PCDH15: variants seen among roughly 807,000 people sequenced by gnomAD.
The protein encoded by PCDH15 is protocadherin-15.
Under a neutral mutation model 178.5 loss-of-function variants are expected in PCDH15, and 129 were observed. That is an observed-to-expected ratio of 0.72 (90% CI 0.63 to 0.84). The LOEUF (loss-of-function observed/expected upper bound fraction) is 0.84, where lower values mean the gene tolerates loss of function less well. PCDH15 is among the 40% of genes least tolerant of loss of function. PCDH15 has a pLI of 0.00. For missense variants in PCDH15, 2,230 were observed against 2,099.9 expected (o/e 1.06, Z -1.21); for synonymous variants, 800 against 732.0 (o/e 1.09, Z -1.50).
chr10:54,540,569 T>C (rs2085098297), intron 2 of PCDH15, among the ~76,000 whole-genome samples: 1 of 152,132 alleles, frequency 6.6e-6, no homozygotes, highest in Non-Finnish European at 1.5e-5. Flanking sequence ...AGCCGAATTC[T>C]ACCAGATGTA....
intron 2 of PCDH15, among the ~76,000 whole-genome samples, chr10:55,043,644 A>G (rs1409971553): frequency 2.6e-5 from 4 of 152,056 alleles, no homozygotes; most frequent in Non-Finnish European, 5.9e-5. Flanking sequence ...TGGGAGCTCA[A>G]TGCTACAGTT....
chr10:54,223,443 T>C (rs1331104051), intron 9 of PCDH15, among the ~76,000 whole-genome samples: 2 of 132,970 alleles, frequency 1.5e-5, no homozygotes, highest in Non-Finnish European at 3.1e-5. Context: ...TTTCTATAGA[T>C]AGTGTGAGGT....
chr10:54,369,393 T>C lies in PCDH15; in HGVS notation c.319-118A>G, dbSNP rs1947309280. ...ATTCTTGTTTATTTTTAAATTATAA[T>C]AATCTCAAAGAAAATGATCATTTTA... On this transcript the variant is annotated intron_variant, in intron 4 of 37. Coordinates refer to ENST00000644397, the MANE Select transcript of PCDH15 (RefSeq NM_001384140.1). The C allele has an allele frequency of 6.6e-6, 6 of 911,128 alleles. No homozygotes were observed. The Admixed American group carries it at 1.3e-4, about 20-fold the overall frequency. The allele number at this position is 911,128 out of a possible 1,614,324, so 56.4% of individuals were successfully genotyped here.
intron 1 of PCDH15, among the ~76,000 whole-genome samples, chr10:55,172,254 C>T (rs985752136): frequency 6.6e-6 from 1 of 151,846 alleles, no homozygotes; most frequent in African/African-American, 2.4e-5. Context: ...AACTCTTACT[C>T]ACTATAATTA....
chr10:55,339,099 A>G (rs6481156), intron 2 of PCDH15, among the ~76,000 whole-genome samples: 1 of 151,854 alleles, frequency 6.6e-6, no homozygotes. Context: ...ATCATAGTTA[A>G]CAAGAATCTA....
intron 2 of PCDH15, among the ~76,000 whole-genome samples, chr10:55,624,275 C>A (rs974378529): frequency 1.1e-4 from 17 of 151,702 alleles, no homozygotes; most frequent in African/African-American, 3.9e-4. Flanking sequence ...GTAACACCAA[C>A]CAAATATCAA....
intron 32 of PCDH15, among the ~76,000 whole-genome samples, chr10:53,825,640 TTGTGAAG>T (rs2076628388): frequency 6.6e-6 from 1 of 151,550 alleles, no homozygotes; most frequent in Non-Finnish European, 1.5e-5. Flanking sequence ...AGTTATTACT[TTGTGAAG>T]TAGTTTTTCC....
At chr10:54,601,689 G>C (rs1208374924) in intron 2 of PCDH15, among the ~76,000 whole-genome samples, 1 of 151,794 alleles carries the variant, frequency 6.6e-6, no homozygotes, top group Non-Finnish European at 1.5e-5. Context: ...CCCATTACTG[G>C]GTATATAGCC....
intron 26 of PCDH15, among the ~76,000 whole-genome samples, chr10:53,879,911 C>T (rs1419769589): frequency 6.6e-6 from 1 of 152,182 alleles, no homozygotes; most frequent in African/African-American, 2.4e-5. Context: ...CTTGGCCTCC[C>T]AAAGTGCTGG....
chr10:53,865,459 G>T (rs2079383296), intron 27 of PCDH15, among the ~76,000 whole-genome samples: 1 of 152,152 alleles, frequency 6.6e-6, no homozygotes, highest in Non-Finnish European at 1.5e-5. Context: ...CAAAGAGTGG[G>T]AGGTTTGAAA....
chr10:53,825,042 A>C (rs941904367), intron 32 of PCDH15: 2 of 1,328,436 alleles, frequency 1.5e-6, no homozygotes, highest in African/African-American at 1.5e-5. Flanking sequence ...CAAAAGATGA[A>C]GATCACTGTA....
chr10:55,132,689 C>G (rs982842551), intron 2 of PCDH15, among the ~76,000 whole-genome samples: 2 of 152,108 alleles, frequency 1.3e-5, no homozygotes, highest in Non-Finnish European at 2.9e-5. Context: ...TAGTTTAATA[C>G]ATTTATATAT....
chr10:54,082,104 A>G (rs1355283395), intron 16 of PCDH15, among the ~76,000 whole-genome samples: 1 of 152,158 alleles, frequency 6.6e-6, no homozygotes, highest in Non-Finnish European at 1.5e-5. Flanking sequence ...GTGTGACACT[A>G]TGGTCTTTGT....
chr10:55,250,262 G>A (rs1168124720), intron 1 of PCDH15, among the ~76,000 whole-genome samples: 1 of 151,724 alleles, frequency 6.6e-6, no homozygotes, highest in African/African-American at 2.4e-5. Flanking sequence ...TCCCGCATCA[G>A]CCTTCCAAGT....
intron 6 of PCDH15, among the ~76,000 whole-genome samples, chr10:54,334,927 C>T (rs898407086): frequency 6.6e-6 from 1 of 152,072 alleles, no homozygotes. Context: ...GGGTTTCCCC[C>T]ATTTGTTCAC....
At chr10:53,874,640 C>T (rs533910896) in intron 26 of PCDH15, among the ~76,000 whole-genome samples, 1 of 152,122 alleles carries the variant, frequency 6.6e-6, no homozygotes, top group South Asian at 2.1e-4. Context: ...TCCTGCAAGC[C>T]ATGCCTAAAA....
intron 7 of PCDH15, among the ~76,000 whole-genome samples, chr10:54,326,271 C>A (rs2133833345): frequency 6.6e-6 from 1 of 152,164 alleles, no homozygotes; most frequent in South Asian, 2.1e-4. Flanking sequence ...AATGAGCATC[C>A]TTCTTTATCA....
chr10:53,816,588 TATTTATGTTTCTAAA>T (rs1164807992), intron 34 of PCDH15, among the ~76,000 whole-genome samples: 1 of 152,190 alleles, frequency 6.6e-6, no homozygotes, highest in East Asian at 1.9e-4. Flanking sequence ...TACAAAGAGT[TATTTATGTTTCTAAA>T]AGTACTGTGT....
chr10:53,887,029 A>G (rs2081150252), intron 26 of PCDH15, among the ~76,000 whole-genome samples: 1 of 152,098 alleles, frequency 6.6e-6, no homozygotes, highest in Non-Finnish European at 1.5e-5. Flanking sequence ...TGATTATGCA[A>G]TTTTTTCAGG....
Sources: allele counts gnomAD v4.1 joint callset (sites outside exome capture counted in the v4.1 genomes callset), GRCh38; gene constraint gnomAD v4.1.1; transcripts MANE v1.5; gene names NCBI Gene and HGNC (gene_info 2026-07-23, HGNC 2026-07-21).